Variants in RARB observed in about 807,000 individuals in gnomAD.
RARB encodes retinoic acid receptor beta, also known as HBV-activated protein.
RARB carries 17 observed loss-of-function variants against 51.9 expected under a neutral mutation model. The observed-to-expected ratio is 0.33, with a 90% CI of 0.22 to 0.49. The LOEUF (loss-of-function observed/expected upper bound fraction) is 0.49. Ranked by LOEUF, RARB falls within the 20% of genes least tolerant of loss-of-function variation. The pLI is 0.99. For synonymous variants in RARB, 215 were observed against 195.4 expected, an observed-to-expected ratio of 1.10 and a Z score of -0.84; for missense variants, 369 against 550.8, an observed-to-expected ratio of 0.67 and a Z score of 3.30.
At chr3:25,214,025 C>T (rs1207896429) in intron 5 of RARB, among the ~76,000 whole-genome samples, 1 of 152,164 alleles carries the variant, frequency 6.6e-6, no homozygotes, top group Non-Finnish European at 1.5e-5. Context: ...CTCACCAAAG[C>T]CATGCATACA....
At chr3:25,348,368 T>C (rs1705459884) in intron 5 of RARB, among the ~76,000 whole-genome samples, 1 of 147,306 alleles carries the variant, frequency 6.8e-6, no homozygotes, top group South Asian at 2.2e-4. Context: ...ATAACTATAG[T>C]GGGAGCAATG....
At chr3:24,935,273 C>A (rs921476200) in intron 2 of RARB, among the ~76,000 whole-genome samples, 1 of 151,918 alleles carries the variant, frequency 6.6e-6, no homozygotes, top group East Asian at 1.9e-4. Flanking sequence ...TTAATATATC[C>A]CACTGAGCTC....
At chr3:24,968,003 T>G (rs944777547) in intron 2 of RARB, among the ~76,000 whole-genome samples, 1 of 152,174 alleles carries the variant, frequency 6.6e-6, no homozygotes, top group Admixed American at 6.6e-5. Context: ...AATGAAACTG[T>G]AAAACAATTA....
chr3:25,421,395 CTTCTT>C (rs1707855653), intron 5 of RARB, among the ~76,000 whole-genome samples: 2 of 92,194 alleles, frequency 2.2e-5, no homozygotes, highest in Non-Finnish European at 4.5e-5. Context: ...AACATTTTTT[CTTCTT>C]TTCTTTTTTT....
chr3:24,951,796 G>C (rs752533278), intron 2 of RARB, among the ~76,000 whole-genome samples: 2 of 152,088 alleles, frequency 1.3e-5, no homozygotes, highest in African/African-American at 2.4e-5. Context: ...CACTCTTTTG[G>C]ACAAAAATAT....
chr3:25,198,719 C>T (rs1701308948), intron 5 of RARB, among the ~76,000 whole-genome samples: 1 of 151,964 alleles, frequency 6.6e-6, no homozygotes, highest in Non-Finnish European at 1.5e-5. Flanking sequence ...CAGAGAAATG[C>T]AAATCAAAAC....
chr3:25,329,799 C>G (rs761031664), intron 5 of RARB, among the ~76,000 whole-genome samples: 1 of 152,010 alleles, frequency 6.6e-6, no homozygotes, highest in South Asian at 2.1e-4. Context: ...ACTAGAATAA[C>G]CAGTGTAGAG....
intron 5 of RARB, among the ~76,000 whole-genome samples, chr3:25,391,459 A>T (rs978959504): frequency 2.0e-5 from 3 of 152,188 alleles, no homozygotes; most frequent in African/African-American, 7.2e-5. Context: ...TAGTTCTTTA[A>T]GGAATCTCCA....
Position 24,989,831 on chromosome 3 carries a change from C to T in RARB, c.-379-70294C>T, listed in dbSNP as rs1696873669. Among the ~76,000 whole-genome samples the T allele has an allele frequency of 6.0e-5, 4 of 67,186 alleles. 1 individual carries two copies. Among genetic ancestry groups the T allele is most frequent in the East Asian group, 1.2e-3 (2 of 1,730 alleles). 44.1% of individuals were successfully genotyped at this position (67,186 alleles called of 152,430 possible). A position where few individuals can be genotyped will look rare whatever the true frequency, so the allele number is the denominator to read the frequency against. On this transcript the variant is annotated intron_variant, in intron 2 of 11. Coordinates refer to the RARB transcript ENST00000383772. ...TTTTTGAGACGGAGTCTCGCTCTGT[C>T]GCCCAGGCTGGACTGCGGACTGCAG... is the stretch of plus-strand genomic sequence containing the variant.
chr3:25,547,013 T>C (rs1480314967), intron 3 of RARB, among the ~76,000 whole-genome samples: 1 of 152,194 alleles, frequency 6.6e-6, no homozygotes, highest in African/African-American at 2.4e-5. Flanking sequence ...GCAGCCTTGA[T>C]GGGCTTCCTA....
At chr3:25,421,746 CT>C in intron 5 of RARB, among the ~76,000 whole-genome samples, 1 of 152,220 alleles carries the variant, frequency 6.6e-6, no homozygotes, top group African/African-American at 2.4e-5. Context: ...CTCATTTAAT[CT>C]TTACCACAAC....
rs186190084 is a variant in RARB, at chr3:25,478,394, A to T, written c.306+17053A>T. 2.6e-5 allele frequency among the ~76,000 whole-genome samples: 4 copies of T among 152,356 alleles called. No homozygotes were observed. In the East Asian group the frequency reaches 5.8e-4, roughly 22 times the overall value. ...TCTTCAGTTAGATGCCAGATGAAGC[A>T]GGTGGCTTGTTCTTGAGAGCCTGTT... On this transcript the variant is annotated intron_variant, in intron 2 of 7. Transcript: ENST00000330688.
intron 2 of RARB, among the ~76,000 whole-genome samples, chr3:25,492,482 T>C (rs1445945188): frequency 1.3e-5 from 2 of 152,214 alleles, no homozygotes; most frequent in Non-Finnish European, 2.9e-5. Flanking sequence ...TGATGTCTGA[T>C]GATGTGAGTT....
At position 25,023,780 on chromosome 3, in the gene RARB, A is replaced by G. The variant is rs143381457; in HGVS notation, c.-379-36345A>G. ...GAAACCTCAATAGATTAGAGCGGCT[A>G]TCTAAACAGTTATTCAAATGACAAC... is the stretch of plus-strand genomic sequence containing the variant. On this transcript the variant is annotated intron_variant, in intron 2 of 11. Transcript: ENST00000383772. Among the ~76,000 whole-genome samples the G allele has an allele frequency of 1.7e-4, 26 of 152,312 alleles. No homozygotes were observed. The East Asian group carries it at 4.6e-3, about 27-fold the overall frequency.
At chr3:25,314,328 T>C (rs932884529) in intron 5 of RARB, among the ~76,000 whole-genome samples, 3 of 152,210 alleles carry the variant, frequency 2.0e-5, no homozygotes, top group Non-Finnish European at 4.4e-5. Context: ...CTATGCTAAT[T>C]GGAATTTACT....
chr3:25,263,977 G>C (rs1703066352), intron 5 of RARB, among the ~76,000 whole-genome samples: 1 of 152,092 alleles, frequency 6.6e-6, no homozygotes, highest in African/African-American at 2.4e-5. Context: ...TCAAAGGCAA[G>C]GGATATCAGG....
chr3:24,878,421 CTG>C (rs1301039842), intron 2 of RARB, among the ~76,000 whole-genome samples: 1 of 151,678 alleles, frequency 6.6e-6, no homozygotes, highest in Non-Finnish European at 1.5e-5. Flanking sequence ...TCCTCAGATA[CTG>C]GCAAAAACCT....
chr3:25,419,055 T>G (rs1164989620), intron 5 of RARB, among the ~76,000 whole-genome samples: 2 of 149,058 alleles, frequency 1.3e-5, no homozygotes, highest in Non-Finnish European at 3.0e-5. Flanking sequence ...TTTTTTTTGC[T>G]AAGTTTAATG....
At chr3:25,177,179 A>G (rs1400306484) in intron 5 of RARB, among the ~76,000 whole-genome samples, 1 of 152,232 alleles carries the variant, frequency 6.6e-6, no homozygotes, top group Non-Finnish European at 1.5e-5. Context: ...AAGAAGCCAC[A>G]ATGAATATGA....
Sources: gnomAD v4.1 joint callset for allele counts (sites outside exome capture counted in the v4.1 genomes callset) on GRCh38, gnomAD v4.1.1 for gene constraint, MANE v1.5 for transcripts, NCBI Gene and HGNC (gene_info 2026-07-23, HGNC 2026-07-21) for gene names.